The following JADE1 variants were observed in gnomAD, a reference collection of about 807,000 sequenced individuals.
JADE1 encodes the protein jade family PHD finger 1.
JADE1 carries 14 observed loss-of-function variants against 81.8 expected under a neutral mutation model. The observed-to-expected ratio is 0.17, with a 90% CI of 0.11 to 0.27. JADE1 has a LOEUF of 0.27. Ranked by LOEUF, JADE1 falls within the 10% of genes least tolerant of loss-of-function variation. The probability of loss-of-function intolerance (pLI) is 1.00; values close to 1 mark genes in which losing one functional copy is unlikely to be tolerated. For synonymous variants in JADE1, 353 were observed against 391.9 expected (o/e 0.90, Z 1.17); for missense variants, 690 against 1,047.9 (o/e 0.66, Z 4.71).
In JADE1 at chr4:128,871,958, C is replaced by T; in HGVS notation, c.2225C>T (p.Ala742Val). The change falls in exon 11 of 11, where the codon GCC becomes GTC. Residue 742 changes from alanine (A) to valine (V), a missense_variant. Coordinates refer to ENST00000226319, the MANE Select transcript of JADE1 (RefSeq NM_199320.4). The surrounding 1 kb of genome is among the most constrained non-coding windows in gnomAD (Gnocchi z 4.1). ...QTAVKVPTTPASPVKNWGGFR... is the reference protein window; with the variant it reads ...QTAVKVPTTPVSPVKNWGGFR... The stretch of plus-strand genomic sequence containing the variant: ...GCAGTCAAAGTGCCTACAACACCTG[C>T]CAGCCCAGTGAAAAACTGGGGAGGA... 2.5e-6 allele frequency: 4 copies of T among 1,613,928 alleles called. No homozygotes were observed. The highest frequency in any genetic ancestry group is 3.4e-6 in the Non-Finnish European group (4 of 1,179,946).
intron 1 of JADE1, among the ~76,000 whole-genome samples, chr4:128,829,301 C>T (rs570218889): frequency 6.6e-6 from 1 of 152,274 alleles, no homozygotes; most frequent in East Asian, 1.9e-4. Context: ...ACTATGCCTA[C>T]AGCATGAAAC....
chr4:128,834,581 C>G (rs1460706710), intron 2 of JADE1, among the ~76,000 whole-genome samples: 1 of 137,580 alleles, frequency 7.3e-6, no homozygotes, highest in Non-Finnish European at 1.5e-5. Context: ...GTCGCCCAGG[C>G]TGGAGTACAG....
Position 128,872,172 on chromosome 4 carries a change from G to A in JADE1, c.2439G>A (p.Glu813=). 1 of 1,614,192 alleles carries A rather than the reference G, an allele frequency of 6.2e-7. No individual in the cohort carries two copies. The highest frequency in any genetic ancestry group is 8.5e-7 in the Non-Finnish European group (1 of 1,180,026). The change falls in exon 11 of 11, where the codon GAG becomes GAA. Residue 813 remains glutamate (E), a synonymous_variant. Coordinates refer to ENST00000226319, the MANE Select transcript of JADE1 (RefSeq NM_199320.4). ...CCGATGTGGAAATGAGTGACTCAGA[G>A]AGTGAGGCATCAGAAAAGAAATGTA... ...YVPDVEMSDS[E]SEASEKKCIH... is the part of the protein sequence containing the mutation.
chr4:128,817,948 A>G (rs1276902855), intron 1 of JADE1, among the ~76,000 whole-genome samples: 1 of 152,174 alleles, frequency 6.6e-6, no homozygotes, highest in African/African-American at 2.4e-5. Flanking sequence ...TTGGTCATTA[A>G]CTTGAAAATC....
chr4:128,862,809 T>C lies in JADE1; in HGVS notation c.1503+584T>C, dbSNP rs558244338. 3.7e-5 allele frequency: 37 copies of C among 998,676 alleles called. No homozygotes were observed. The African/African-American group carries it at 6.1e-4, about 16-fold the overall frequency. 61.9% of individuals were successfully genotyped at this position (998,676 alleles called of 1,614,324 possible). On this transcript the variant is annotated intron_variant, in intron 9 of 10. Transcript: ENST00000226319. ...GAGCAGAGCAGGCAGTGGGTGCTGA[T>C]GTGTGTGCATGAGCTGTATGTACAC...
At position 128,862,044 on chromosome 4, in the gene JADE1, G is replaced by A. The variant is rs771407223; in HGVS notation, c.1322G>A (p.Arg441Gln). The A allele has an allele frequency of 5.0e-6, 8 of 1,614,170 alleles. No homozygotes were observed. The South Asian group carries it at 5.5e-5, about 11-fold the overall frequency. The stretch of plus-strand genomic sequence containing the variant: ...CTGCTGGATGTTGCCAGGGCTCTGC[G>A]GCTGCCTGAGGAAGTAGTGGATTTC... Reference protein sequence around the residue: ...VNLLDVARALRLPEEVVDFLY... With the variant: ...VNLLDVARALQLPEEVVDFLY... The change falls in exon 9 of 11, where the codon CGG becomes CAG. Residue 441 changes from arginine (R) to glutamine (Q), a missense_variant. Physicochemically the swap from Arg to Gln is conservative, Grantham distance 43. Coordinates refer to ENST00000226319, the MANE Select transcript of JADE1 (RefSeq NM_199320.4).
chr4:128,841,891 A>T (rs1729464220), intron 2 of JADE1, among the ~76,000 whole-genome samples: 1 of 152,078 alleles, frequency 6.6e-6, no homozygotes, highest in East Asian at 1.9e-4. Context: ...GGCAGGATGG[A>T]GTTGTTGGTG....
chr4:128,823,646 A>G (rs976375684), intron 1 of JADE1, among the ~76,000 whole-genome samples: 1 of 152,172 alleles, frequency 6.6e-6, no homozygotes, highest in African/African-American at 2.4e-5. Context: ...TAAAGAGCAC[A>G]TTTTTTTGCT....
chr4:128,833,540 T>C (rs1332668029), intron 2 of JADE1, among the ~76,000 whole-genome samples: 1 of 152,082 alleles, frequency 6.6e-6, no homozygotes, highest in Non-Finnish European at 1.5e-5. Flanking sequence ...CCATCTCTAC[T>C]AAAAATTAGC....
chr4:128,836,842 C>T (rs1166229221), intron 2 of JADE1, among the ~76,000 whole-genome samples: 1 of 151,560 alleles, frequency 6.6e-6, no homozygotes, highest in South Asian at 2.1e-4. Flanking sequence ...TCACTGCAAC[C>T]TCCGCCTCCC....
chr4:128,844,311 G>A (rs1049775294), intron 3 of JADE1, among the ~76,000 whole-genome samples: 22 of 152,134 alleles, frequency 1.4e-4, no homozygotes, highest in African/African-American at 4.1e-4. Flanking sequence ...CCAGCAGCAC[G>A]GGTTGCTGTG....
At chr4:128,812,708 A>G (rs961277771) in intron 1 of JADE1, among the ~76,000 whole-genome samples, 4 of 152,252 alleles carry the variant, frequency 2.6e-5, no homozygotes, top group African/African-American at 9.6e-5. Context: ...GAAACCCGTT[A>G]GGAATGCGTC....
chr4:128,833,179 C>T (rs993806694), intron 2 of JADE1, among the ~76,000 whole-genome samples: 2 of 152,028 alleles, frequency 1.3e-5, no homozygotes, highest in Admixed American at 6.6e-5. Flanking sequence ...GCCACCTGTC[C>T]GAGCCTTTGG....
chr4:128,861,864 G>C lies in JADE1; in HGVS notation c.1142G>C (p.Gly381Ala). The change falls in exon 9 of 11, where the codon GGG becomes GCG. Residue 381 changes from glycine to alanine, a missense_variant. Gly to Ala is a moderately conservative substitution (Grantham distance 60). This residue lies in a region of JADE1 where 77 missense variants were observed against 76.4 expected (regional missense o/e 1.01). Coordinates refer to ENST00000226319, the MANE Select transcript of JADE1 (RefSeq NM_199320.4). ...HRKPEESLGK[G>A]AAQENGAPEC... ...AAACCCGAGGAGAGTCTTGGCAAGG[G>C]GGCTGCACAGGAGAATGGGGCCCCT... 1 of 1,614,142 alleles carries C rather than the reference G, an allele frequency of 6.2e-7. No homozygotes were observed. Among genetic ancestry groups the C allele is most frequent in the Non-Finnish European group, 8.5e-7 (1 of 1,180,012 alleles).
chr4:128,872,280 G>T lies in JADE1; in HGVS notation c.*18G>T. The T allele has an allele frequency of 1.2e-6, 2 of 1,607,004 alleles. No homozygotes were observed. Among genetic ancestry groups the T allele is most frequent in the South Asian group, 2.2e-5 (2 of 90,572 alleles). On this transcript the variant is annotated 3_prime_UTR_variant, in exon 11 of 11. Transcript: ENST00000226319. ...CTTCTTGATGCAACAGAGATGATGC[G>T]GAAGCCCTTTGGGCTCGTCATTGGG...
chr4:128,839,687 A>G (rs1026374197), intron 2 of JADE1, among the ~76,000 whole-genome samples: 1 of 152,102 alleles, frequency 6.6e-6, no homozygotes, highest in Non-Finnish European at 1.5e-5. Context: ...TCTTTCACTC[A>G]GGAGAATTAC....
chr4:128,863,796 C>G, intron 9 of JADE1: 10 of 985,376 alleles, frequency 1.0e-5, no homozygotes, highest in Non-Finnish European at 1.2e-5. Flanking sequence ...TATGCCAGCC[C>G]GACACCTGCT....
chr4:128,864,214 C>G (rs1731606156), intron 9 of JADE1: 1 of 710,428 alleles, frequency 1.4e-6, no homozygotes, highest in African/African-American at 1.9e-5. Context: ...GTGGCGTGAT[C>G]TCGGCTCACT....
chr4:128,826,691 G>A (rs895467961), intron 1 of JADE1, among the ~76,000 whole-genome samples: 1 of 152,126 alleles, frequency 6.6e-6, no homozygotes, highest in Admixed American at 6.6e-5. Context: ...ATGAGCCACT[G>A]CACCTGGCCC....
Sources: allele counts gnomAD v4.1 joint callset (sites outside exome capture counted in the v4.1 genomes callset), GRCh38; gene constraint gnomAD v4.1.1; regional missense constraint gnomAD v4.1.1; non-coding constraint Gnocchi (gnomAD v3.1); transcripts MANE v1.5; gene names NCBI Gene and HGNC (gene_info 2026-07-23, HGNC 2026-07-21).